The following DCST1 variants were observed in gnomAD, a reference collection of about 807,000 sequenced individuals.
DCST1 encodes E3 ubiquitin-protein ligase DCST1.
Under a neutral mutation model 89.1 loss-of-function variants are expected in DCST1, and 78 were observed. The ratio of observed to expected loss-of-function variants is 0.88; its 90% CI spans 0.73 to 1.06. The LOEUF is 1.06. DCST1 is among the 50% of genes least tolerant of loss of function. The pLI is 0.00. For missense variants in DCST1, 900 were observed against 928.6 expected (o/e 0.97, Z 0.40); for synonymous variants, 364 against 371.9 (o/e 0.98, Z 0.24).
At position 155,046,450 on chromosome 1, in the gene DCST1, A is replaced by G; in HGVS notation, c.1459A>G (p.Ile487Val). The G allele has an allele frequency of 4.3e-6, 7 of 1,613,684 alleles. No individual in the cohort carries two copies. In the Middle Eastern group the frequency reaches 6.6e-4, roughly 152 times the overall value. ...DWALYSIFDTIRHHSFLQYSF... is the reference protein window; with the variant it reads ...DWALYSIFDTVRHHSFLQYSF... Reference sequence around the variant, plus strand: ...GGCTCTCTACTCCATCTTCGACACCATCCGCCACCACTCCTTCCTGCAGTA... The same window carrying G: ...GGCTCTCTACTCCATCTTCGACACCGTCCGCCACCACTCCTTCCTGCAGTA... Residue 487 changes from isoleucine to valine, a missense_variant, in exon 13 of 17, where the codon ATC becomes GTC. Ile to Val is a conservative substitution (Grantham distance 29). Coordinates refer to ENST00000295542, the MANE Select transcript of DCST1 (RefSeq NM_152494.4).
chr1:155,043,601 T>C, intron 10 of DCST1, 92 bp downstream of exon 10: 1 of 1,359,964 alleles, frequency 7.4e-7, no homozygotes, highest in Non-Finnish European at 9.8e-7. Context: ...CCCTAGCACC[T>C]ATCCTCACCT....
Position 155,042,804 on chromosome 1 carries a change from A to G in DCST1, c.962A>G (p.Asn321Ser), listed in dbSNP as rs1660476954. 4.3e-6 allele frequency: 7 copies of G among 1,614,078 alleles called. No homozygotes were observed. The highest frequency in any genetic ancestry group is 1.3e-5 in the African/African-American group (1 of 74,916). Residue 321 changes from asparagine (N) to serine (S), a missense_variant, in exon 9 of 17, where the codon AAC (asparagine) becomes AGC (serine). Coordinates refer to ENST00000295542, the MANE Select transcript of DCST1 (RefSeq NM_152494.4). ...TTTGGGCAGACCTACGACTCCCTCA[A>G]CCAGTCTATTCGTGGCCTGGATGGG... is the stretch of plus-strand genomic sequence containing the variant. Reference protein sequence around the residue: ...GNFGQTYDSLNQSIRGLDGEF... With the variant: ...GNFGQTYDSLSQSIRGLDGEF...
At chr1:155,049,001 CTG>C (rs1269565992) in intron 16 of DCST1, 1 of 717,114 alleles carries the variant, frequency 1.4e-6, no homozygotes, top group Admixed American at 2.0e-5. Context: ...AAGGTCTTCA[CTG>C]AGCCTCAGTT....
chr1:155,039,574 C>G, intron 5 of DCST1, 43 bp downstream of exon 5: 1 of 1,490,978 alleles, frequency 6.7e-7, no homozygotes, highest in Non-Finnish European at 9.0e-7. Flanking sequence ...AGCAGTGACC[C>G]TGGGTGGGTC....
In DCST1 at chr1:155,047,767, C is replaced by T; in HGVS notation, c.1613-20C>T. 6.2e-7 allele frequency: 1 copy of T among 1,611,438 alleles called. No individual in the cohort carries two copies. The highest frequency in any genetic ancestry group is 1.1e-5 in the South Asian group (1 of 91,022). ...CCCTTGGCTGGTCCTGACCAGACCC[C>T]TGGCCTGCCCCTCCCCTAGCCTGCC... On this transcript the variant is annotated intron_variant, in intron 14 of 16. Transcript: ENST00000295542.
At chr1:155,045,345 G>A (rs1017711885) in intron 10 of DCST1, 3 of 180,948 alleles carry the variant, frequency 1.7e-5, no homozygotes, top group African/African-American at 2.4e-5. Flanking sequence ...CCATGCACAC[G>A]TGCACCGTGC....
chr1:155,047,674 G>A (rs1660700470), intron 14 of DCST1, 113 bp from the exon 15 acceptor site: 1 of 929,950 alleles, frequency 1.1e-6, no homozygotes, highest in African/African-American at 1.6e-5. Context: ...GCAGGCAGGA[G>A]GAGAGCAGGG....
At chr1:155,036,638 G>A (rs1032411180) in intron 4 of DCST1, among the ~76,000 whole-genome samples, 2 of 152,238 alleles carry the variant, frequency 1.3e-5, no homozygotes, top group African/African-American at 4.8e-5. Flanking sequence ...AGAATTAGAG[G>A]AAAAGGGACA....
intron 10 of DCST1, among the ~76,000 whole-genome samples, chr1:155,044,437 T>G (rs1156434378): frequency 7.3e-6 from 1 of 136,228 alleles, no homozygotes; most frequent in Non-Finnish European, 1.5e-5. Flanking sequence ...ATTGTGCCAC[T>G]GCATTCTGCA....
At chr1:155,044,990 C>T (rs905794417) in intron 10 of DCST1, among the ~76,000 whole-genome samples, 3 of 152,142 alleles carry the variant, frequency 2.0e-5, no homozygotes, top group African/African-American at 7.2e-5. Context: ...AAGCTACTTC[C>T]AGGCTTTCAA....
intron 6 of DCST1, 71 bp downstream of exon 6, chr1:155,040,695 T>C (rs1571561925): frequency 6.7e-7 from 1 of 1,484,176 alleles, no homozygotes; most frequent in African/African-American, 1.4e-5. Context: ...AGCTGGGAGT[T>C]GTCACCCTGG....
intron 4 of DCST1, among the ~76,000 whole-genome samples, chr1:155,035,451 C>G (rs538364864): frequency 1.3e-5 from 2 of 152,102 alleles, no homozygotes; most frequent in African/African-American, 4.8e-5. Flanking sequence ...TGTAAGCCAC[C>G]GTGCCCAGCC....
chr1:155,043,564 G>A lies in DCST1; in HGVS notation c.1172+55G>A, dbSNP rs2102357379. The A allele has an allele frequency of 1.7e-5, 25 of 1,510,436 alleles. No homozygotes were observed. In the South Asian group the frequency reaches 2.4e-4, roughly 14 times the overall value. 93.6% of individuals were successfully genotyped at this position (1,510,436 alleles called of 1,614,324 possible). A position where few individuals can be genotyped will look rare whatever the true frequency, so the allele number is the denominator to read the frequency against. On this transcript the variant is annotated intron_variant, in intron 10 of 16. Coordinates refer to ENST00000295542, the MANE Select transcript of DCST1 (RefSeq NM_152494.4). ...CTCCTCTGCCCCGGACTGGAGCCCTGCCCTGAGGGAGGCTGTAAGGATGGA... is the reference window on the plus strand; with the variant it reads ...CTCCTCTGCCCCGGACTGGAGCCCTACCCTGAGGGAGGCTGTAAGGATGGA...
At position 155,042,790 on chromosome 1, in the gene DCST1, C is replaced by T; in HGVS notation, c.948C>T (p.Thr316=). Residue 316 remains threonine, a synonymous_variant, in exon 9 of 17, where the codon ACC becomes ACT. Coordinates refer to ENST00000295542, the MANE Select transcript of DCST1 (RefSeq NM_152494.4). ...RIPVEGNFGQ[T]YDSLNQSIRG... ...CAGTGGAAGGCAACTTTGGGCAGAC[C>T]TACGACTCCCTCAACCAGTCTATTC... 3 of 1,614,192 alleles carry T rather than the reference C, an allele frequency of 1.9e-6. No individual in the cohort carries two copies. Among genetic ancestry groups the T allele is most frequent in the Non-Finnish European group, 2.5e-6 (3 of 1,180,040 alleles).
rs1309915213 is a variant in DCST1 at position 155,048,965 on chromosome 1, C to G, written c.1869+795C>G. 4.2e-6 allele frequency: 3 copies of G among 714,020 alleles called. No homozygotes were observed. In the African/African-American group the frequency reaches 5.2e-5, roughly 12 times the overall value. 44.2% of individuals were successfully genotyped at this position (714,020 alleles called of 1,614,324 possible). ...AGGAAGCAGACTCCAGTCCATACTC[C>G]CTCATTAAGTTGTGTCACCTTGGCC... is the stretch of plus-strand genomic sequence containing the variant. On this transcript the variant is annotated intron_variant, in intron 16 of 16. Transcript: ENST00000295542.
chr1:155,042,643 G>T (rs1660470136), intron 8 of DCST1, 92 bp from the exon 9 acceptor site: 1 of 1,566,228 alleles, frequency 6.4e-7, no homozygotes. Flanking sequence ...CAAAAAAGCA[G>T]GATGAGGAGG....
At chr1:155,038,791 G>A (rs1044528128) in intron 4 of DCST1, among the ~76,000 whole-genome samples, 5 of 152,158 alleles carry the variant, frequency 3.3e-5, no homozygotes, top group African/African-American at 1.2e-4. Flanking sequence ...TGTGCACTTA[G>A]CACATCGTGT....
chr1:155,035,149 T>C (rs932806150), intron 4 of DCST1: 4 of 196,848 alleles, frequency 2.0e-5, no homozygotes, highest in Non-Finnish European at 4.2e-5. Flanking sequence ...CGTTTTGCTT[T>C]GGTTTTGTTT....
At position 155,042,749 on chromosome 1, in the gene DCST1, T is replaced by C; in HGVS notation, c.907T>C (p.Cys303Arg). ...CTGTTCACCAGTGATGGAGGTTTGG[T>C]GCCGCAATCGCATCCCAGTGGAAGG... is the stretch of plus-strand genomic sequence containing the variant. ...CGIAKVMEVWCRNRIPVEGNF... is the reference protein window; with the variant it reads ...CGIAKVMEVWRRNRIPVEGNF... The change falls in exon 9 of 17, where the codon TGC (cysteine) becomes CGC (arginine). Residue 303 changes from cysteine (C) to arginine (R), a missense_variant. By Grantham distance (180) the Cys-to-Arg change is radical (BLOSUM62 -3). Transcript: ENST00000295542. 1.9e-6 allele frequency: 3 copies of C among 1,614,174 alleles called. No homozygotes were observed. The highest frequency in any genetic ancestry group is 2.5e-6 in the Non-Finnish European group (3 of 1,180,022).
Sources: gnomAD v4.1 joint callset for allele counts (sites outside exome capture counted in the v4.1 genomes callset) on GRCh38, gnomAD v4.1.1 for gene constraint, MANE v1.5 for transcripts, NCBI Gene and HGNC (gene_info 2026-07-23, HGNC 2026-07-21) for gene names.